Variants in HMG20A observed in about 807,000 individuals in gnomAD.
HMG20A encodes the protein high mobility group protein 20A.
A neutral mutation model predicts 43.9 loss-of-function variants in HMG20A; 17 were observed. The observed-to-expected ratio is 0.39, with a 90% confidence interval of 0.27 to 0.58. HMG20A has a LOEUF of 0.58. Ranked by LOEUF, HMG20A falls within the 20% of genes least tolerant of loss-of-function variation. The pLI, the probability that HMG20A is intolerant of heterozygous loss-of-function variation, is 0.59. For missense variants in HMG20A, 341 were observed against 438.2 expected, an observed-to-expected ratio of 0.78 and a Z score of 1.98; for synonymous variants, 132 against 147.5, an observed-to-expected ratio of 0.89 and a Z score of 0.76.
chr15:77,421,159 A>C, intron 1 of HMG20A, 155 bp downstream of exon 1: 2 of 132,028 alleles, frequency 1.5e-5, no homozygotes, highest in East Asian at 1.3e-4. Context: ...GAGGGGAGGA[A>C]GGCCGTCCTG....
intron 3 of HMG20A, among the ~76,000 whole-genome samples, chr15:77,466,381 C>CA (rs561614194): frequency 1.4e-5 from 2 of 147,838 alleles, no homozygotes; most frequent in South Asian, 2.1e-4. Flanking sequence ...AACTCTACCT[C>CA]AAAAAAAAAA....
At chr15:77,452,642 T>G (rs959976790) in intron 1 of HMG20A, among the ~76,000 whole-genome samples, 3 of 152,118 alleles carry the variant, frequency 2.0e-5, no homozygotes, top group Non-Finnish European at 4.4e-5. Context: ...GCTAAAATTA[T>G]AAAGCTCTTA....
At chr15:77,458,673 C>G in intron 2 of HMG20A, 177 bp downstream of exon 2, 2 of 459,232 alleles carry the variant, frequency 4.4e-6, no homozygotes, top group Admixed American at 3.9e-5. Flanking sequence ...ATTCAATTAT[C>G]TTTTGCAGTG....
At chr15:77,473,748 CTG>C (rs756752610) in intron 6 of HMG20A, among the ~76,000 whole-genome samples, 7 of 152,120 alleles carry the variant, frequency 4.6e-5, no homozygotes, top group Non-Finnish European at 8.8e-5. Flanking sequence ...AAGTGAGTCT[CTG>C]TATTTCCCTG....
At chr15:77,474,753 C>T (rs1216451567) in intron 6 of HMG20A, among the ~76,000 whole-genome samples, 1 of 152,122 alleles carries the variant, frequency 6.6e-6, no homozygotes, top group Non-Finnish European at 1.5e-5. Flanking sequence ...AGCAGTGGGG[C>T]ACTTCAGGCT....
At chr15:77,515,106 G>C in the HMG20A span, among the ~76,000 whole-genome samples, 1 of 152,170 alleles carries the variant, frequency 6.6e-6, no homozygotes, top group Non-Finnish European at 1.5e-5. Context: ...TTGAGTTTGA[G>C]ATCCCCATGG....
intron 1 of HMG20A, among the ~76,000 whole-genome samples, chr15:77,443,280 A>C (rs2073632980): frequency 6.7e-6 from 1 of 150,164 alleles, no homozygotes; most frequent in Non-Finnish European, 1.5e-5. Flanking sequence ...TGATCTGCCC[A>C]CCTCGGCCTC....
the HMG20A span, among the ~76,000 whole-genome samples, chr15:77,499,454 G>A: frequency 6.6e-6 from 1 of 152,036 alleles, no homozygotes; most frequent in Non-Finnish European, 1.5e-5. Flanking sequence ...AAGCTGGAGA[G>A]CCTGGAATCC....
the HMG20A span, among the ~76,000 whole-genome samples, chr15:77,519,637 A>T: frequency 6.6e-6 from 1 of 152,342 alleles, no homozygotes; most frequent in Middle Eastern, 3.4e-3. Flanking sequence ...GCAAACCCTT[A>T]CCAGACACCA....
intron 2 of HMG20A, among the ~76,000 whole-genome samples, chr15:77,459,575 C>T (rs1356410715): frequency 6.6e-6 from 1 of 152,146 alleles, no homozygotes. Flanking sequence ...GAGAAAGTGA[C>T]TTCAATAAAG....
At chr15:77,458,146 A>C in intron 1 of HMG20A, 1 of 298,466 alleles carries the variant, frequency 3.4e-6, no homozygotes, top group South Asian at 4.0e-5. Context: ...GATAAATAAA[A>C]AGGAATTTTC....
At chr15:77,515,191 A>G in the HMG20A span, among the ~76,000 whole-genome samples, 2 of 152,164 alleles carry the variant, frequency 1.3e-5, no homozygotes, top group African/African-American at 4.8e-5. Flanking sequence ...AGACGGGTAC[A>G]CAAATGAGGG....
chr15:77,518,478 G>A, the HMG20A span, among the ~76,000 whole-genome samples: 1 of 152,154 alleles, frequency 6.6e-6, no homozygotes, highest in Non-Finnish European at 1.5e-5. Context: ...CTGGTCCCTG[G>A]ACCTGCTACA....
At chr15:77,491,616 A>G in the HMG20A span, among the ~76,000 whole-genome samples, 5 of 152,184 alleles carry the variant, frequency 3.3e-5, no homozygotes, top group Non-Finnish European at 1.5e-5. Context: ...GCTAACTACA[A>G]TAGGGTCTGA....
At chr15:77,507,102 CCTGA>C in the HMG20A span, among the ~76,000 whole-genome samples, 1 of 152,346 alleles carries the variant, frequency 6.6e-6, no homozygotes. Flanking sequence ...TTCCTCTCTG[CCTGA>C]CTGTCTTCAA....
chr15:77,460,418 T>C (rs762267225), intron 2 of HMG20A, among the ~76,000 whole-genome samples: 7 of 152,230 alleles, frequency 4.6e-5, no homozygotes, highest in African/African-American at 1.4e-4. Flanking sequence ...TGGGGAAAAC[T>C]GAACAAGTGT....
At chr15:77,502,681 T>G in the HMG20A span, among the ~76,000 whole-genome samples, 2 of 152,054 alleles carry the variant, frequency 1.3e-5, no homozygotes, top group Non-Finnish European at 2.9e-5. Context: ...AAAGTAGGTG[T>G]TAAAGGCCAG....
chr15:77,512,081 A>AGG, the HMG20A span, among the ~76,000 whole-genome samples: 1 of 152,232 alleles, frequency 6.6e-6, no homozygotes, highest in Non-Finnish European at 1.5e-5. Flanking sequence ...CTCAGTCTTA[A>AGG]ACAGGAAGGA....
chr15:77,492,546 G>A, the HMG20A span, among the ~76,000 whole-genome samples: 1 of 152,136 alleles, frequency 6.6e-6, no homozygotes, highest in Non-Finnish European at 1.5e-5. Context: ...GCATGCAGTC[G>A]GGGGCTGGGT....
Sources: gnomAD v4.1 joint callset for allele counts (sites outside exome capture counted in the v4.1 genomes callset) on GRCh38, gnomAD v4.1.1 for gene constraint, MANE v1.5 for transcripts, NCBI Gene and HGNC (gene_info 2026-07-23, HGNC 2026-07-21) for gene names.